The following SART1 variants were observed in gnomAD, a reference collection of about 807,000 sequenced individuals.
The protein encoded by SART1 is U4/U6.U5 tri-snRNP-associated protein 1.
A neutral mutation model predicts 105.0 loss-of-function variants in SART1; 28 were observed. The ratio of observed to expected loss-of-function variants is 0.27; its 90% confidence interval spans 0.20 to 0.37. SART1 has a LOEUF of 0.37. Among genes scored for constraint, SART1 ranks in the 10% least tolerant of loss-of-function variants. The pLI, the probability that SART1 is intolerant of heterozygous loss-of-function variation, is 1.00. For missense variants in SART1, 894 were observed against 1,106.5 expected, an observed-to-expected ratio of 0.81 and a Z score of 2.72; for synonymous variants, 472 against 462.9, an observed-to-expected ratio of 1.02 and a Z score of -0.25.
intron 12 of SART1, among the ~76,000 whole-genome samples, chr11:65,973,198 A>AGTTTTTT (rs542717851): frequency 1.3e-5 from 2 of 152,182 alleles, no homozygotes; most frequent in African/African-American, 4.8e-5. Flanking sequence ...TGAGAACGTA[A>AGTTTTTT]GTTTTTTGTT....
intron 16 of SART1, 38 bp downstream of exon 16, chr11:65,977,691 G>C (rs1232892015): frequency 8.1e-6 from 13 of 1,613,686 alleles, no homozygotes; most frequent in Non-Finnish European, 1.1e-5. Context: ...TGAGGGGCCT[G>C]TGCCAGCTTG....
At chr11:65,965,252 G>T in intron 4 of SART1, 34 bp downstream of exon 4, 1 of 1,609,682 alleles carries the variant, frequency 6.2e-7, no homozygotes. Context: ...GCAAGGGAAG[G>T]GCTGGGGAGG....
At chr11:65,966,012 G>C (rs367869405) in intron 7 of SART1, 26 bp downstream of exon 7, 2 of 1,613,698 alleles carry the variant, frequency 1.2e-6, no homozygotes, top group South Asian at 1.1e-5. Context: ...TGCCCTGGGT[G>C]GGGGCACAGC....
Position 65,978,416 on chromosome 11 carries a change from CG to C in SART1, c.2173-182del. On this transcript the variant is annotated intron_variant, in intron 17 of 19. Coordinates refer to ENST00000312397, the MANE Select transcript of SART1 (RefSeq NM_005146.5). The surrounding 1 kb of genome is among the most constrained non-coding windows in gnomAD (Gnocchi z 6.8). ...GCATCCACTAGCCAAGCTGGTCTCC[CG>C]GCCTCTGCTGGGGCCCTGCAGGGTG... The C allele has an allele frequency of 3.2e-6, 2 of 618,758 alleles. No individual in the cohort carries two copies. The highest frequency in any genetic ancestry group is 5.7e-6 in the Non-Finnish European group (2 of 349,460). 38.3% of individuals were successfully genotyped at this position (618,758 alleles called of 1,614,324 possible). A position where few individuals can be genotyped will look rare whatever the true frequency, so the allele number is the denominator to read the frequency against.
rs566956998 is a variant in SART1, at chr11:65,978,713, G to A, written c.2262+24G>A. The A allele has an allele frequency of 2.5e-6, 4 of 1,613,440 alleles. No homozygotes were observed. In the South Asian group the frequency reaches 3.3e-5, roughly 13 times the overall value. Reference sequence around the variant, plus strand: ...CGGTGGGTGCCCTTGGGGATGTGGGGGGCCCTGTGCCTGCCGGGGCAGGGG... The same window carrying A: ...CGGTGGGTGCCCTTGGGGATGTGGGAGGCCCTGTGCCTGCCGGGGCAGGGG... On this transcript the variant is annotated intron_variant, in intron 18 of 19. Transcript: ENST00000312397. The surrounding 1 kb of genome is among the most constrained non-coding windows in gnomAD (Gnocchi z 6.8).
At chr11:65,970,619 C>A (rs1025037108) in intron 12 of SART1, among the ~76,000 whole-genome samples, 14 of 116,184 alleles carry the variant, frequency 1.2e-4, no homozygotes, top group Non-Finnish European at 2.5e-4. Context: ...GCCGATTGTT[C>A]TGGTGTTTTT....
intron 12 of SART1, among the ~76,000 whole-genome samples, chr11:65,969,611 C>T (rs554579369): frequency 6.6e-6 from 1 of 152,274 alleles, no homozygotes; most frequent in East Asian, 1.9e-4. Context: ...CTGTGGGTCT[C>T]AGTGTGTTGC....
At chr11:65,974,883 C>CA (rs1189384033) in intron 12 of SART1, among the ~76,000 whole-genome samples, 1 of 151,016 alleles carries the variant, frequency 6.6e-6, no homozygotes, top group Non-Finnish European at 1.5e-5. Context: ...AAAAAAAATA[C>CA]AAAAAAATTA....
rs1197609671 is a variant in SART1, at chr11:65,978,607, G to A, written c.2180G>A (p.Arg727Gln). 6.4e-7 allele frequency: 1 copy of A among 1,562,250 alleles called. No individual in the cohort carries two copies. Among genetic ancestry groups the A allele is most frequent in the South Asian group, 1.2e-5 (1 of 85,740 alleles). Reference sequence around the variant, plus strand: ...CATGCCCCGCGTCCCCAGGCTTTCCGGCAGCTGTCGCACCGCTTCCATGGC... The same window carrying A: ...CATGCCCCGCGTCCCCAGGCTTTCCAGCAGCTGTCGCACCGCTTCCATGGC... Reference protein sequence around the residue: ...GRKLTPKEAFRQLSHRFHGKG... With the variant: ...GRKLTPKEAFQQLSHRFHGKG... The change falls in exon 18 of 20, where the codon CGG becomes CAG. Residue 727 changes from arginine (R) to glutamine (Q), a missense_variant. Transcript: ENST00000312397. This position sits in a 1 kb window ranked among gnomAD's most constrained non-coding sequence, Gnocchi z 6.8.
At chr11:65,974,164 C>T (rs1855434646) in intron 12 of SART1, among the ~76,000 whole-genome samples, 1 of 141,962 alleles carries the variant, frequency 7.0e-6, no homozygotes. Flanking sequence ...AGATTGAGAC[C>T]ATCCTGGCTA....
chr11:65,962,051 C>T lies in SART1; in HGVS notation c.271C>T (p.Arg91Trp), dbSNP rs936293536. The T allele has an allele frequency of 6.0e-5, 77 of 1,284,398 alleles. No individual in the cohort carries two copies. Among genetic ancestry groups the T allele is most frequent in the Non-Finnish European group, 7.6e-5 (76 of 1,000,222 alleles). The allele number at this position is 1,284,398 out of a possible 1,614,324, so 79.6% of individuals were successfully genotyped here. The change falls in exon 1 of 20, where the codon CGG (arginine) becomes TGG (tryptophan). Residue 91 changes from arginine (R) to tryptophan (W), a missense_variant. Physicochemically the swap from Arg to Trp is moderately radical, Grantham distance 101. Transcript: ENST00000312397. ...RERSQAEPSE[R>W]RVKREKRDDG... ...GCGCAGCCAGGCAGAGCCCTCCGAG[C>T]GGCGCGTGAAGCGGGAGAAGCGCGA...
intron 1 of SART1, 89 bp from the exon 2 acceptor site, chr11:65,963,985 C>T: frequency 1.8e-6 from 2 of 1,103,362 alleles, no homozygotes; most frequent in Non-Finnish European, 2.7e-6. Flanking sequence ...TGGTGAGGGG[C>T]CCTCATTTTT....
chr11:65,974,763 C>T (rs988971307), intron 12 of SART1, among the ~76,000 whole-genome samples: 5 of 152,126 alleles, frequency 3.3e-5, no homozygotes, highest in South Asian at 2.1e-4. Context: ...TGGCCAGGCG[C>T]GGTGGCTCAC....
chr11:65,965,034 C>A, intron 3 of SART1, 58 bp from the exon 4 acceptor site: 1 of 1,519,186 alleles, frequency 6.6e-7, no homozygotes, highest in South Asian at 1.3e-5. Flanking sequence ...TGAGTGGCTC[C>A]CTCCTCTCCC....
At chr11:65,971,836 A>AT (rs1855385475) in intron 12 of SART1, among the ~76,000 whole-genome samples, 1 of 152,054 alleles carries the variant, frequency 6.6e-6, no homozygotes, top group Non-Finnish European at 1.5e-5. Flanking sequence ...TGGAGTCGTG[A>AT]TGTGGTTGAA....
In SART1 at chr11:65,964,545, C is replaced by G; in HGVS notation, c.402C>G (p.Pro134=). Reference sequence around the variant, plus strand: ...TCCGGGCAAAGTTGGGGCTGAAACCCTTGGAGGTTAATGCCATCAAGAAGG... The same window carrying G: ...TCCGGGCAAAGTTGGGGCTGAAACCGTTGGAGGTTAATGCCATCAAGAAGG... The part of the protein sequence containing the change: ...NKLRAKLGLK[P]LEVNAIKKEA... Residue 134 remains proline, a synonymous_variant, in exon 3 of 20, where the codon CCC becomes CCG. Coordinates refer to ENST00000312397, the MANE Select transcript of SART1 (RefSeq NM_005146.5). 1 of 1,612,324 alleles carries G rather than the reference C, an allele frequency of 6.2e-7. No individual in the cohort carries two copies. Among genetic ancestry groups the G allele is most frequent in the Non-Finnish European group, 8.5e-7 (1 of 1,179,554 alleles).
chr11:65,965,291 G>T (rs761811706), intron 4 of SART1, 51 bp from the exon 5 acceptor site: 2 of 1,603,886 alleles, frequency 1.2e-6, no homozygotes, highest in South Asian at 2.2e-5. Flanking sequence ...TCTTGAGTGG[G>T]GTGGGGAGCA....
intron 1 of SART1, 150 bp from the exon 2 acceptor site, chr11:65,963,924 G>C (rs879486821): frequency 9.2e-6 from 6 of 652,436 alleles, no homozygotes; most frequent in Non-Finnish European, 1.6e-5. Context: ...CTGCTGGGGA[G>C]CTTGGGTGGA....
intron 1 of SART1, 130 bp from the exon 2 acceptor site, chr11:65,963,944 T>C (rs1855196351): frequency 1.4e-6 from 1 of 711,558 alleles, no homozygotes; most frequent in African/African-American, 1.8e-5. Context: ...AAGAAGCTGC[T>C]GTTTTCTGGT....
Sources: gnomAD v4.1 joint callset for allele counts (sites outside exome capture counted in the v4.1 genomes callset) on GRCh38, gnomAD v4.1.1 for gene constraint, Gnocchi (gnomAD v3.1) non-coding constraint, MANE v1.5 for transcripts, NCBI Gene and HGNC (gene_info 2026-07-23, HGNC 2026-07-21) for gene names.